ATL1: variants seen among roughly 807,000 people sequenced by gnomAD.
ATL1 encodes the protein atlastin-1.
A neutral mutation model predicts 75.5 loss-of-function variants in ATL1; 31 were observed. That is an observed-to-expected ratio of 0.41 (90% CI 0.31 to 0.55). ATL1 has a LOEUF of 0.55. Among genes scored for constraint, ATL1 ranks in the 20% least tolerant of loss-of-function variants. The pLI is 0.27. For missense variants in ATL1, 405 were observed against 662.6 expected (o/e 0.61, Z 4.27); for synonymous variants, 226 against 233.3 (o/e 0.97, Z 0.28).
upstream of ATL1, chr14:50,560,009 G>A: frequency 1.8e-6 from 1 of 563,628 alleles, no homozygotes; most frequent in Admixed American, 3.0e-5. Context: ...TTCACGGTCT[G>A]GGGGTGGACT....
chr14:50,624,609 T>C (rs1050921630), intron 11 of ATL1, among the ~76,000 whole-genome samples: 1 of 152,046 alleles, frequency 6.6e-6, no homozygotes, highest in Non-Finnish European at 1.5e-5. Context: ...CCTTTAAGTG[T>C]TGAAGTTCAA....
At chr14:50,595,143 C>T (rs1018380192) in intron 5 of ATL1, among the ~76,000 whole-genome samples, 8 of 152,044 alleles carry the variant, frequency 5.3e-5, no homozygotes, top group African/African-American at 1.9e-4. Flanking sequence ...TAGGCAACAG[C>T]TTTTGTAAAT....
At chr14:50,612,183 G>A (rs138688250) in intron 6 of ATL1, among the ~76,000 whole-genome samples, 44 of 152,124 alleles carry the variant, frequency 2.9e-4, no homozygotes, top group African/African-American at 8.9e-4. Context: ...TTCCACTTAC[G>A]CAAATTATAA....
chr14:50,629,928 T>C (rs929216297), intron 12 of ATL1, 67 bp from the exon 13 acceptor site: 4 of 1,185,140 alleles, frequency 3.4e-6, no homozygotes, highest in Non-Finnish European at 3.6e-6. Context: ...GCAAAGTTGA[T>C]TATAATGCTG....
intron 1 of ATL1, among the ~76,000 whole-genome samples, chr14:50,576,308 A>G (rs1378427641): frequency 6.6e-6 from 1 of 152,126 alleles, no homozygotes; most frequent in Non-Finnish European, 1.5e-5. Flanking sequence ...TCAACGTATG[A>G]TGGTTTTATC....
chr14:50,604,470 G>T (rs1019654205), intron 6 of ATL1, among the ~76,000 whole-genome samples: 9 of 152,030 alleles, frequency 5.9e-5, no homozygotes, highest in African/African-American at 1.9e-4. Flanking sequence ...GTTCACTAAG[G>T]GGGTAGTATA....
chr14:50,627,699 T>G (rs889999576), intron 11 of ATL1, among the ~76,000 whole-genome samples: 5 of 152,236 alleles, frequency 3.3e-5, no homozygotes, highest in African/African-American at 1.2e-4. Context: ...TTTCTTAGAT[T>G]TGGATTCATT....
intron 8 of ATL1, among the ~76,000 whole-genome samples, chr14:50,619,959 T>G (rs1195763707): frequency 4.6e-5 from 7 of 152,056 alleles, no homozygotes; most frequent in Admixed American, 4.6e-4. Flanking sequence ...AAACAAGACT[T>G]AAAACATGAA....
chr14:50,592,481 G>A (rs936793797), intron 4 of ATL1, among the ~76,000 whole-genome samples: 2 of 151,684 alleles, frequency 1.3e-5, no homozygotes, highest in African/African-American at 4.8e-5. Flanking sequence ...CCAAGACAGG[G>A]TAAACAGAAG....
intron 1 of ATL1, among the ~76,000 whole-genome samples, chr14:50,569,750 C>A (rs1690983214): frequency 6.6e-6 from 1 of 151,742 alleles, no homozygotes; most frequent in Non-Finnish European, 1.5e-5. Flanking sequence ...GTAACAAACT[C>A]CAGCTTTTGT....
In ATL1 at chr14:50,564,465, C is replaced by T. The variant is rs559435751; in HGVS notation, c.34+4166C>T. Among the ~76,000 whole-genome samples, 109 of 151,652 alleles carry T rather than the reference C, an allele frequency of 7.2e-4. No homozygotes were observed. The Middle Eastern group carries it at 0.014, about 19-fold the overall frequency. ...GAGATGGAGACCATCCTGGCTGACA[C>T]GGTGAAACCCCGTCTCTACTGAAAA... On this transcript the variant is annotated intron_variant, in intron 1 of 13. Coordinates refer to ENST00000358385, the MANE Select transcript of ATL1 (RefSeq NM_015915.5).
intron 11 of ATL1, 139 bp from the exon 12 acceptor site, chr14:50,627,892 T>C: frequency 2.6e-6 from 2 of 774,416 alleles, no homozygotes; most frequent in East Asian, 2.7e-5. Flanking sequence ...GGTGGAAAGA[T>C]GTGGGCTGAC....
intron 6 of ATL1, among the ~76,000 whole-genome samples, 155 bp downstream of exon 6, chr14:50,595,787 T>C (rs912662273): frequency 2.0e-5 from 3 of 152,122 alleles, no homozygotes; most frequent in Admixed American, 6.5e-5. Context: ...TAGAATGAGA[T>C]GGAAATGAGG....
At chr14:50,556,368 A>G (rs2038765591), upstream of ATL1, among the ~76,000 whole-genome samples, 1 of 151,998 alleles carries the variant, frequency 6.6e-6, no homozygotes, top group Non-Finnish European at 1.5e-5. Context: ...GGTGCACATC[A>G]CTGCACCTGG....
chr14:50,566,427 G>A (rs2038904786), intron 1 of ATL1, among the ~76,000 whole-genome samples: 1 of 152,048 alleles, frequency 6.6e-6, no homozygotes, highest in African/African-American at 2.4e-5. Context: ...ATACTATTTA[G>A]TTTTACATTT....
intron 1 of ATL1, among the ~76,000 whole-genome samples, chr14:50,540,743 T>C (rs575546617): frequency 1.3e-5 from 2 of 152,206 alleles, no homozygotes; most frequent in Non-Finnish European, 2.9e-5. Context: ...ATATATTGAG[T>C]AGCAGAATTC....
chr14:50,614,670 T>C (rs2039397940), intron 8 of ATL1, among the ~76,000 whole-genome samples, 159 bp downstream of exon 8: 1 of 152,190 alleles, frequency 6.6e-6, no homozygotes, highest in African/African-American at 2.4e-5. Flanking sequence ...CTGGTGCTCC[T>C]CCTTGGTGAA....
chr14:50,616,850 C>G (rs574345226), intron 8 of ATL1, among the ~76,000 whole-genome samples: 2 of 152,266 alleles, frequency 1.3e-5, no homozygotes, highest in Non-Finnish European at 2.9e-5. Context: ...CTCCGTGTTT[C>G]TTTGGGCAGT....
intron 1 of ATL1, among the ~76,000 whole-genome samples, chr14:50,539,218 A>G (rs1406985096): frequency 6.6e-6 from 1 of 152,246 alleles, no homozygotes; most frequent in Non-Finnish European, 1.5e-5. Flanking sequence ...TACTCAAACT[A>G]TCAGCAGTGA....
Sources: allele counts gnomAD v4.1 joint callset (sites outside exome capture counted in the v4.1 genomes callset), GRCh38; gene constraint gnomAD v4.1.1; transcripts MANE v1.5; gene names NCBI Gene and HGNC (gene_info 2026-07-23, HGNC 2026-07-21).